Variants in FARP1 observed in about 807,000 individuals in gnomAD.
FARP1 encodes the protein FERM, ARHGEF and pleckstrin domain-containing protein 1.
In FARP1, 52 loss-of-function variants were observed where a neutral mutation model predicts 128.8. That is an observed-to-expected ratio of 0.40 (90% confidence interval 0.32 to 0.51). FARP1 has a LOEUF of 0.51. Ranked by LOEUF, FARP1 falls within the 20% of genes least tolerant of loss-of-function variation. The pLI is 0.45. For missense variants in FARP1, 1,333 were observed against 1,367.9 expected, an observed-to-expected ratio of 0.97 and a Z score of 0.40; for synonymous variants, 580 against 551.8, an observed-to-expected ratio of 1.05 and a Z score of -0.72.
intron 1 of FARP1, among the ~76,000 whole-genome samples, chr13:98,163,769 C>T (rs1019214887): frequency 2.7e-5 from 4 of 150,798 alleles, no homozygotes; most frequent in Admixed American, 6.6e-5. Context: ...AGTGCAGTGG[C>T]GCGATCTCAG....
In FARP1 at chr13:98,385,819, G is replaced by A; in HGVS notation, c.759+5G>A. 6.2e-7 allele frequency: 1 copy of A among 1,613,726 alleles called. No homozygotes were observed. Among genetic ancestry groups the A allele is most frequent in the Non-Finnish European group, 8.5e-7 (1 of 1,179,910 alleles). ...ACGGGAATTCTAGTGTTTCAGGTGA[G>A]AGCCTTGAGAACACGGCCTGGTTCC... On this transcript the variant is annotated splice_donor_5th_base_variant and intron_variant, in intron 8 of 26. Transcript: ENST00000319562.
At chr13:98,437,464 A>G (rs980756714) in intron 19 of FARP1, among the ~76,000 whole-genome samples, 4 of 151,272 alleles carry the variant, frequency 2.6e-5, no homozygotes, top group African/African-American at 9.7e-5. Flanking sequence ...ATACATTGCC[A>G]GAAAGCAACA....
intron 2 of FARP1, among the ~76,000 whole-genome samples, chr13:98,313,301 C>T (rs1487688122): frequency 1.5e-5 from 2 of 133,958 alleles, no homozygotes; most frequent in Admixed American, 8.0e-5. Flanking sequence ...TCATAATCCT[C>T]CCCTTCCCCC....
At chr13:98,350,066 G>A (rs182764579) in intron 3 of FARP1, among the ~76,000 whole-genome samples, 58 of 152,252 alleles carry the variant, frequency 3.8e-4, no homozygotes, top group Non-Finnish European at 5.4e-4. Context: ...TCACAGGATC[G>A]AGGACAGCCT....
intron 24 of FARP1, chr13:98,445,857 G>GTGTC (rs10633117): frequency 0.74 from 343,396 of 464,064 alleles, 132,368 homozygotes; most frequent in Non-Finnish European, 0.83. Context: ...GGACCTCAAC[G>GTGTC]TGTCTTTTGG....
intron 2 of FARP1, among the ~76,000 whole-genome samples, chr13:98,254,566 A>G (rs1883494661): frequency 6.6e-6 from 1 of 152,204 alleles, no homozygotes. Context: ...TGAGAAGTGT[A>G]TCCTTCTGCC....
intron 2 of FARP1, among the ~76,000 whole-genome samples, chr13:98,215,939 T>C (rs1353635258): frequency 6.6e-6 from 1 of 152,094 alleles, no homozygotes; most frequent in South Asian, 2.1e-4. Flanking sequence ...GATAGGTGCC[T>C]GCCACCACAC....
intron 13 of FARP1, chr13:98,397,020 G>A (rs1048436942): frequency 9.9e-5 from 15 of 152,260 alleles, no homozygotes; most frequent in African/African-American, 3.6e-4. Context: ...ATAGCTAGTT[G>A]AGATTATGTT....
intron 5 of FARP1, among the ~76,000 whole-genome samples, chr13:98,373,349 A>G (rs1352008503): frequency 6.6e-6 from 1 of 152,186 alleles, no homozygotes; most frequent in Non-Finnish European, 1.5e-5. Flanking sequence ...GTCATTTTAA[A>G]ACATGAAGCC....
intron 2 of FARP1, among the ~76,000 whole-genome samples, chr13:98,232,145 G>GTTTTTTTTTTTTTTTTTTTTTTTTTTT (rs59209045): frequency 1.9e-5 from 2 of 105,790 alleles, no homozygotes; most frequent in Non-Finnish European, 3.7e-5. Context: ...TGTTTGGTTG[G>GTTTTTTTTTTTTTTTTTTTTTTTTTTT]TTTTTTTTTT....
rs1262249806 is a variant in FARP1, at chr13:98,390,951, T to C, written c.1088+71T>C. 8 of 1,039,110 alleles carry C rather than the reference T, an allele frequency of 7.7e-6. No individual in the cohort carries two copies. In the African/African-American group the frequency reaches 1.1e-4, roughly 14 times the overall value. 64.4% of individuals were successfully genotyped at this position (1,039,110 alleles called of 1,614,324 possible). ...TCGCCAGGTAACAGTTTGTTGCTGC[T>C]AAATATTTCTTTACCCAGACTTCAG... On this transcript the variant is annotated intron_variant, in intron 11 of 26. Coordinates refer to ENST00000319562, the MANE Select transcript of FARP1 (RefSeq NM_005766.4).
chr13:98,174,415 G>A (rs1011264738), intron 1 of FARP1, among the ~76,000 whole-genome samples: 14 of 152,256 alleles, frequency 9.2e-5, no homozygotes, highest in African/African-American at 3.4e-4. Context: ...AAAAATCCTG[G>A]AGCCAGAGCT....
intron 2 of FARP1, among the ~76,000 whole-genome samples, chr13:98,270,463 T>A (rs982878206): frequency 1.3e-5 from 2 of 152,224 alleles, no homozygotes; most frequent in African/African-American, 4.8e-5. Context: ...TCCTGGTTTT[T>A]AAACTATTCA....
chr13:98,302,668 C>G (rs1885972092), intron 2 of FARP1, among the ~76,000 whole-genome samples: 1 of 152,166 alleles, frequency 6.6e-6, no homozygotes, highest in African/African-American at 2.4e-5. Flanking sequence ...CTTCAGGATC[C>G]CATTGGGGTG....
chr13:98,384,705 T>C (rs1400599670), intron 6 of FARP1, 25 bp from the exon 7 acceptor site: 10 of 1,416,154 alleles, frequency 7.1e-6, no homozygotes, highest in Non-Finnish European at 1.0e-5. Flanking sequence ...CTACGTGACC[T>C]GTTTTTCTTT....
rs1566322061 is a variant in FARP1 at position 98,439,810 on chromosome 13, C to T, written c.2434-151C>T. ...GCCTTTCCGATTTGGGTTTTTCCAACTCAGAGTGCCTTCTCCCTCTGTGGG... is the reference window on the plus strand; with the variant it reads ...GCCTTTCCGATTTGGGTTTTTCCAATTCAGAGTGCCTTCTCCCTCTGTGGG... On this transcript the variant is annotated intron_variant, in intron 21 of 26. Transcript: ENST00000319562. 8.2e-6 allele frequency: 5 copies of T among 608,732 alleles called. No individual in the cohort carries two copies. In the East Asian group the frequency reaches 1.3e-4, roughly 16 times the overall value. The allele number at this position is 608,732 out of a possible 1,614,324, so 37.7% of individuals were successfully genotyped here. A position where few individuals can be genotyped will look rare whatever the true frequency, so the allele number is the denominator to read the frequency against.
intron 2 of FARP1, chr13:98,340,773 A>G (rs1389353637): frequency 6.6e-6 from 1 of 152,186 alleles, no homozygotes; most frequent in East Asian, 1.9e-4. Flanking sequence ...AGGATTAGGG[A>G]CTGGAATGGA....
chr13:98,249,893 G>A (rs1883242359), intron 2 of FARP1, among the ~76,000 whole-genome samples: 3 of 152,140 alleles, frequency 2.0e-5, no homozygotes, highest in East Asian at 1.9e-4. Context: ...TTACATATGC[G>A]ATGTTTGACA....
rs1893362286 is a variant in FARP1 at position 98,454,569 on chromosome 13, T to A, written c.*6252T>A. ...AAATACAAATGACTAAATCACGGGA[T>A]GAGTTGATGTCACACAAAAGAATCC... On this transcript the variant is annotated 3_prime_UTR_variant, in exon 27 of 27. Transcript: ENST00000319562. 6.6e-6 allele frequency: 1 copy of A among 152,202 alleles called. No homozygotes were observed. The highest frequency in any genetic ancestry group is 1.5e-5 in the Non-Finnish European group (1 of 68,048). 9.4% of individuals were successfully genotyped at this position (152,202 alleles called of 1,614,324 possible).
Sources: gnomAD v4.1 joint callset for allele counts (sites outside exome capture counted in the v4.1 genomes callset) on GRCh38, gnomAD v4.1.1 for gene constraint, MANE v1.5 for transcripts, NCBI Gene and HGNC (gene_info 2026-07-23, HGNC 2026-07-21) for gene names.